The following SPATS2 variants were observed in gnomAD, a reference collection of about 807,000 sequenced individuals.
SPATS2 encodes the protein spermatogenesis associated serine rich 2, also known as spermatogenesis-associated serine-rich protein 2.
In SPATS2, 38 loss-of-function variants were observed where a neutral mutation model predicts 63.7. The observed-to-expected ratio is 0.60, with a 90% confidence interval of 0.46 to 0.78. SPATS2 has a LOEUF of 0.78. Among genes scored for constraint, SPATS2 ranks in the 30% least tolerant of loss-of-function variants. The probability of loss-of-function intolerance (pLI) is 0.00; values close to 1 mark genes in which losing one functional copy is unlikely to be tolerated. For missense variants in SPATS2, 588 were observed against 666.2 expected, an observed-to-expected ratio of 0.88 and a Z score of 1.29; for synonymous variants, 207 against 232.9, an observed-to-expected ratio of 0.89 and a Z score of 1.01.
At chr12:49,419,996 A>G (rs910863597) in intron 2 of SPATS2, among the ~76,000 whole-genome samples, 3 of 152,228 alleles carry the variant, frequency 2.0e-5, no homozygotes, top group African/African-American at 7.2e-5. Flanking sequence ...ACTATGCATC[A>G]AGGAAAAGCA....
chr12:49,427,665 C>T (rs1483395534), intron 2 of SPATS2, among the ~76,000 whole-genome samples: 1 of 152,110 alleles, frequency 6.6e-6, no homozygotes, highest in Non-Finnish European at 1.5e-5. Context: ...AAATTATGAC[C>T]TCAATTTCTT....
chr12:49,489,473 G>C lies in SPATS2; in HGVS notation c.114G>C (p.Ala38=). 1 of 1,612,968 alleles carries C rather than the reference G, an allele frequency of 6.2e-7. No homozygotes were observed. The change falls in exon 5 of 14, where the codon GCG becomes GCC. Residue 38 remains alanine (A), a synonymous_variant. Transcript: ENST00000552918. ...AFENMKEKIN[A]VRAIVPNKSN... ...CCTGTCATCTTTTCCAGATAAATGC[G>C]GTACGTGCAATAGTTCCTAATAAGA...
chr12:49,406,295 T>TA (rs1453784990), intron 2 of SPATS2, among the ~76,000 whole-genome samples: 1 of 151,998 alleles, frequency 6.6e-6, no homozygotes, highest in African/African-American at 2.4e-5. Context: ...TTTTTTTTTT[T>TA]TTTTAAAGAC....
At chr12:49,475,269 A>C (rs1008360192) in intron 3 of SPATS2, among the ~76,000 whole-genome samples, 4 of 152,360 alleles carry the variant, frequency 2.6e-5, no homozygotes, top group Middle Eastern at 3.4e-3. Context: ...GTAAAACTAA[A>C]CCATAATATT....
chr12:49,502,754 G>C (rs1354803440), intron 9 of SPATS2, among the ~76,000 whole-genome samples: 1 of 152,150 alleles, frequency 6.6e-6, no homozygotes, highest in African/African-American at 2.4e-5. Context: ...ACTGCGCCTG[G>C]CTGTCTTCTG....
At chr12:49,388,663 A>ACG (rs1944363702) in intron 2 of SPATS2, among the ~76,000 whole-genome samples, 1 of 149,500 alleles carries the variant, frequency 6.7e-6, no homozygotes, top group African/African-American at 2.5e-5. Flanking sequence ...GGCATGAGCC[A>ACG]CCATGCCTAG....
At chr12:49,500,032 C>CT (rs71812288) in intron 8 of SPATS2, 38 bp from the exon 9 acceptor site, 254,625 of 1,058,174 alleles carry the variant, frequency 0.24, 11,147 homozygotes, top group African/African-American at 0.57. Flanking sequence ...TATAATTATT[C>CT]TTTTTTTTTT....
At chr12:49,418,229 C>T (rs374918292) in intron 2 of SPATS2, among the ~76,000 whole-genome samples, 56 of 148,132 alleles carry the variant, frequency 3.8e-4, no homozygotes, top group African/African-American at 1.4e-3. Flanking sequence ...ATCCTCCTGC[C>T]TCAGCCTCCT....
intron 4 of SPATS2, among the ~76,000 whole-genome samples, chr12:49,488,138 G>A (rs1469440307): frequency 6.6e-6 from 1 of 151,246 alleles, no homozygotes; most frequent in Non-Finnish European, 1.5e-5. Flanking sequence ...TCCACCTCCC[G>A]GGTTCAAGTG....
chr12:49,395,075 G>T (rs1944485569), intron 2 of SPATS2, among the ~76,000 whole-genome samples: 1 of 151,810 alleles, frequency 6.6e-6, no homozygotes, highest in Admixed American at 6.6e-5. Flanking sequence ...TCTGTCTCGG[G>T]GGATAAAAAA....
intron 2 of SPATS2, among the ~76,000 whole-genome samples, chr12:49,429,708 C>T (rs752287916): frequency 2.0e-5 from 3 of 148,788 alleles, no homozygotes; most frequent in African/African-American, 5.0e-5. Flanking sequence ...CACCAGCCTT[C>T]GCCTCCCAAA....
At chr12:49,506,250 G>A (rs1054004116) in intron 9 of SPATS2, among the ~76,000 whole-genome samples, 4 of 152,126 alleles carry the variant, frequency 2.6e-5, no homozygotes, top group Admixed American at 2.0e-4. Context: ...CCAGCACTTC[G>A]GGAGGCTGTA....
chr12:49,449,202 G>GTTTT (rs892135484), intron 2 of SPATS2, among the ~76,000 whole-genome samples: 2 of 151,946 alleles, frequency 1.3e-5, no homozygotes, highest in East Asian at 3.9e-4. Context: ...TTTTCTGTCT[G>GTTTT]TTTTTTTTGT....
intron 2 of SPATS2, among the ~76,000 whole-genome samples, chr12:49,460,077 C>A (rs953724078): frequency 6.6e-6 from 1 of 151,430 alleles, no homozygotes; most frequent in African/African-American, 2.4e-5. Flanking sequence ...CATTGCACTT[C>A]AGCCTGGGCA....
Position 49,423,048 on chromosome 12 carries a change from T to C in SPATS2, c.-243-37722T>C, listed in dbSNP as rs144419501. On this transcript the variant is annotated intron_variant, in intron 2 of 13. Coordinates refer to ENST00000552918, the MANE Select transcript of SPATS2 (RefSeq NM_023071.4). The stretch of plus-strand genomic sequence containing the variant: ...TTACCTTTCTCTGTTTTATGTTTTA[T>C]GTCCTCATCCCTTTTCAAAGAAAAA... Among the ~76,000 whole-genome samples, 5 of 152,334 alleles carry C rather than the reference T, an allele frequency of 3.3e-5. No homozygotes were observed. The East Asian group carries it at 9.6e-4, about 29-fold the overall frequency.
At chr12:49,372,084 C>T (rs185501291) in intron 2 of SPATS2, among the ~76,000 whole-genome samples, 6 of 151,538 alleles carry the variant, frequency 4.0e-5, no homozygotes, top group Admixed American at 1.3e-4. Flanking sequence ...CTTGTTCTGT[C>T]GCCCAGGCTG....
Position 49,526,369 on chromosome 12 carries a change from T to C in SPATS2, c.*114T>C, listed in dbSNP as rs1466221994. ...AAAAGAAGTTTATGCGTATCACTTT[T>C]TGTGCCATTCTAAGTATTTTTGGTT... On this transcript the variant is annotated 3_prime_UTR_variant, in exon 14 of 14. Coordinates refer to ENST00000552918, the MANE Select transcript of SPATS2 (RefSeq NM_023071.4). 1 of 1,275,428 alleles carries C rather than the reference T, an allele frequency of 7.8e-7. No individual in the cohort carries two copies. The highest frequency in any genetic ancestry group is 1.1e-6 in the Non-Finnish European group (1 of 945,262). 79.0% of individuals were successfully genotyped at this position (1,275,428 alleles called of 1,614,324 possible).
chr12:49,434,015 A>T (rs571604991), intron 2 of SPATS2, among the ~76,000 whole-genome samples: 1 of 152,172 alleles, frequency 6.6e-6, no homozygotes, highest in Non-Finnish European at 1.5e-5. Flanking sequence ...AGTTTTCCCA[A>T]CGTCATTTGT....
chr12:49,507,896 A>G (rs111527446), intron 9 of SPATS2, among the ~76,000 whole-genome samples: 2,117 of 152,366 alleles, frequency 0.014, 47 homozygotes, highest in African/African-American at 0.046. Flanking sequence ...GATGAATACA[A>G]GAATTAAAAT....
Sources: allele counts gnomAD v4.1 joint callset (sites outside exome capture counted in the v4.1 genomes callset), GRCh38; gene constraint gnomAD v4.1.1; transcripts MANE v1.5; gene names NCBI Gene and HGNC (gene_info 2026-07-23, HGNC 2026-07-21).